The following PNPLA7 variants were observed in gnomAD, a reference collection of about 807,000 sequenced individuals.
PNPLA7 encodes the protein patatin-like phospholipase domain-containing protein 7.
In PNPLA7, 153 loss-of-function variants were observed where a neutral mutation model predicts 161.7. The observed-to-expected ratio is 0.95, with a 90% CI of 0.83 to 1.08. The LOEUF (loss-of-function observed/expected upper bound fraction) is 1.08, where lower values mean the gene tolerates loss of function less well. Ranked by LOEUF, PNPLA7 falls within the 50% of genes least tolerant of loss-of-function variation. PNPLA7 has a pLI of 0.00. For synonymous variants in PNPLA7, 809 were observed against 782.1 expected (o/e 1.03, Z -0.57); for missense variants, 1,739 against 1,856.6 (o/e 0.94, Z 1.16).
At position 137,499,214 on chromosome 9, in the gene PNPLA7, C is replaced by T. The variant is rs1026121369; in HGVS notation, c.1758-969G>A. 2.0e-5 allele frequency among the ~76,000 whole-genome samples: 3 copies of T among 148,584 alleles called. No homozygotes were observed. The highest frequency in any genetic ancestry group is 6.7e-5 in the Admixed American group (1 of 14,962). On this transcript the variant is annotated intron_variant, in intron 16 of 34. Coordinates refer to ENST00000406427, the MANE Select transcript of PNPLA7 (RefSeq NM_001098537.3). The surrounding 1 kb of genome is among the most constrained non-coding windows in gnomAD (Gnocchi z 5.5). ...GACACAGGCAGACACACAGGCACAC[C>T]GAGACACACACAGACACACAGACAC...
At chr9:137,531,747 C>T (rs1348971714) in intron 8 of PNPLA7, among the ~76,000 whole-genome samples, 1 of 152,132 alleles carries the variant, frequency 6.6e-6, no homozygotes, top group Non-Finnish European at 1.5e-5. Flanking sequence ...CAAAATTATA[C>T]TACATATTGT....
Position 137,467,445 on chromosome 9 carries a change from C to G in PNPLA7, c.2911G>C (p.Ala971Pro), listed in dbSNP as rs1831529887. 4.3e-6 allele frequency: 7 copies of G among 1,613,146 alleles called. No homozygotes were observed. Among genetic ancestry groups the G allele is most frequent in the Non-Finnish European group, 5.9e-6 (7 of 1,180,004 alleles). Reference sequence around the variant, plus strand: ...ACAGGGATGCCGCACTCCGCCAAGGCCTTGAGAACGCCCACCTGGGCACAG... The same window carrying G: ...ACAGGGATGCCGCACTCCGCCAAGGGCTTGAGAACGCCCACCTGGGCACAG... The part of the protein sequence containing the change: ...RGCAQVGVLK[A>P]LAECGIPVDM... The change falls in exon 26 of 35, where the codon GCC (alanine) becomes CCC (proline). Residue 971 changes from alanine to proline, a missense_variant. Physicochemically the swap from Ala to Pro is conservative, Grantham distance 27. Around this residue, in one of 6 missense-constraint regions of PNPLA7, gnomAD observed 703 missense variants for 694.6 expected, o/e 1.01. Transcript: ENST00000406427. The surrounding 1 kb of genome is among the most constrained non-coding windows in gnomAD (Gnocchi z 5.1).
rs139675967 is a variant in PNPLA7, at chr9:137,521,557, C to A, written c.957+79G>T. ...GCACTGCCCCACCAGGCACTGGGCGCCTGCCGTGCCAACCAATAGCTGTCC... is the reference window on the plus strand; with the variant it reads ...GCACTGCCCCACCAGGCACTGGGCGACTGCCGTGCCAACCAATAGCTGTCC... On this transcript the variant is annotated intron_variant, in intron 10 of 34. Coordinates refer to ENST00000406427, the MANE Select transcript of PNPLA7 (RefSeq NM_001098537.3). The A allele has an allele frequency of 2.5e-4, 357 of 1,445,850 alleles. 1 individual carries two copies. The African/African-American group carries it at 4.4e-3, about 18-fold the overall frequency. The allele number at this position is 1,445,850 out of a possible 1,614,324, so 89.6% of individuals were successfully genotyped here.
chr9:137,506,704 G>A (rs1021823523), intron 12 of PNPLA7, among the ~76,000 whole-genome samples: 3 of 152,190 alleles, frequency 2.0e-5, no homozygotes, highest in African/African-American at 4.8e-5. Flanking sequence ...GAAGCAGTGT[G>A]CACCCTTTTA....
chr9:137,494,899 A>C, intron 19 of PNPLA7, 134 bp downstream of exon 19: 1 of 782,678 alleles, frequency 1.3e-6, no homozygotes, highest in Non-Finnish European at 2.1e-6. Flanking sequence ...CCGCGCCTTC[A>C]CCTGCTCTGC....
chr9:137,465,507 C>T (rs1302229455), intron 26 of PNPLA7, among the ~76,000 whole-genome samples: 5 of 152,236 alleles, frequency 3.3e-5, no homozygotes, highest in African/African-American at 7.2e-5. Context: ...CTGCCCATGG[C>T]GGGTTCTGTC....
chr9:137,470,572 A>T (rs547684042), intron 25 of PNPLA7, among the ~76,000 whole-genome samples: 9 of 152,262 alleles, frequency 5.9e-5, no homozygotes, highest in Admixed American at 2.6e-4. Flanking sequence ...AAAAATAAAA[A>T]TTTTTTAAAA....
rs547697283 is a variant in PNPLA7 at position 137,469,315 on chromosome 9, A to G, written c.2883-1842T>C. On this transcript the variant is annotated intron_variant, in intron 25 of 34. Coordinates refer to ENST00000406427, the MANE Select transcript of PNPLA7 (RefSeq NM_001098537.3). The stretch of plus-strand genomic sequence containing the variant: ...ACAAAATCTGTAAGGGAGTTTAGGA[A>G]ACATGGGATCTGGCACCAAACTCTA... 3.3e-5 allele frequency among the ~76,000 whole-genome samples: 5 copies of G among 152,336 alleles called. No homozygotes were observed. In the South Asian group the frequency reaches 6.2e-4, roughly 19 times the overall value.
rs967509031 is a variant in PNPLA7, at chr9:137,477,457, CT to C, written c.2882+576del. ...GCAAAGGGCCAACAAGCAACCGCTT[CT>C]TTTTTTTTTTGAGACAGAGTCTCGC... On this transcript the variant is annotated intron_variant, in intron 25 of 34. Transcript: ENST00000406427. 1.3e-3 allele frequency among the ~76,000 whole-genome samples: 199 copies of C among 147,798 alleles called. 1 individual carries two copies. Among genetic ancestry groups the C allele is most frequent in the Middle Eastern group, 0.01 (3 of 286 alleles).
chr9:137,529,990 A>G (rs770530185), intron 8 of PNPLA7, among the ~76,000 whole-genome samples: 2 of 144,570 alleles, frequency 1.4e-5, no homozygotes, highest in African/African-American at 5.2e-5. Flanking sequence ...CCTGAGATAC[A>G]GTCTTGCTCT....
Position 137,490,385 on chromosome 9 carries a change from G to T in PNPLA7, c.2197+2628C>A, listed in dbSNP as rs1832707288. 6.6e-6 allele frequency among the ~76,000 whole-genome samples: 1 copy of T among 152,174 alleles called. No homozygotes were observed. The highest frequency in any genetic ancestry group is 6.6e-5 in the Admixed American group (1 of 15,266). On this transcript the variant is annotated intron_variant, in intron 20 of 34. Transcript: ENST00000406427. The surrounding 1 kb of genome is among the most constrained non-coding windows in gnomAD (Gnocchi z 4.1). The stretch of plus-strand genomic sequence containing the variant: ...GTGCTGGGATGAGGTGTAAGACACT[G>T]TGCCTGGTCAAAACATTCTTGAACA...
intron 22 of PNPLA7, chr9:137,480,692 G>C (rs772538812): frequency 4.9e-5 from 36 of 731,170 alleles, no homozygotes; most frequent in Non-Finnish European, 7.4e-5. Context: ...GCTGAGGCTC[G>C]TTGAGGGGCA....
rs1832970861 is a variant in PNPLA7, at chr9:137,494,969, G to A, written c.2127+64C>T. 22 of 1,438,340 alleles carry A rather than the reference G, an allele frequency of 1.5e-5. No homozygotes were observed. The South Asian group carries it at 2.7e-4, about 17-fold the overall frequency. 89.1% of individuals were successfully genotyped at this position (1,438,340 alleles called of 1,614,324 possible). ...GCCCTCACCCGCTCCGCCCTCACCTGTTCCATGCCCTCATCCACTCCACAC... is the reference window on the plus strand; with the variant it reads ...GCCCTCACCCGCTCCGCCCTCACCTATTCCATGCCCTCATCCACTCCACAC... On this transcript the variant is annotated intron_variant, in intron 19 of 34. Coordinates refer to ENST00000406427, the MANE Select transcript of PNPLA7 (RefSeq NM_001098537.3).
intron 21 of PNPLA7, 145 bp from the exon 22 acceptor site, chr9:137,481,168 C>T: frequency 1.2e-6 from 1 of 815,472 alleles, no homozygotes; most frequent in Non-Finnish European, 2.0e-6. Flanking sequence ...CAGTGAGAGT[C>T]CACTCCCCAA....
intron 19 of PNPLA7, among the ~76,000 whole-genome samples, chr9:137,494,050 G>T (rs1055618494): frequency 3.3e-5 from 5 of 152,188 alleles, no homozygotes; most frequent in African/African-American, 1.2e-4. Flanking sequence ...ATGAGCCCCA[G>T]GGGTGGTGAG....
chr9:137,508,071 T>C (rs1376795909), intron 12 of PNPLA7, among the ~76,000 whole-genome samples: 2 of 151,802 alleles, frequency 1.3e-5, no homozygotes, highest in South Asian at 2.1e-4. Context: ...GCCACACCTG[T>C]GGTCCCAGCT....
chr9:137,481,931 A>G (rs1276961635), intron 21 of PNPLA7, among the ~76,000 whole-genome samples: 1 of 152,178 alleles, frequency 6.6e-6, no homozygotes, highest in African/African-American at 2.4e-5. Context: ...GCAAGACTCC[A>G]TCTCAGAAAA....
chr9:137,519,662 ATGTGAGGTGACCTGGGGCACG>A (rs1175535623), intron 11 of PNPLA7, among the ~76,000 whole-genome samples: 7 of 141,180 alleles, frequency 5.0e-5, no homozygotes, highest in African/African-American at 2.2e-4. Flanking sequence ...CCTGGGGGGC[ATGTGAGGTGACCTGGGGCACG>A]TGTGAGGGGA....
intron 21 of PNPLA7, among the ~76,000 whole-genome samples, chr9:137,483,346 G>A (rs1832318135): frequency 6.6e-6 from 1 of 152,226 alleles, no homozygotes; most frequent in Non-Finnish European, 1.5e-5. Flanking sequence ...CCGGAAATGA[G>A]TAAGATTTTC....
Sources: gnomAD v4.1 joint callset for allele counts (sites outside exome capture counted in the v4.1 genomes callset) on GRCh38, gnomAD v4.1.1 for gene constraint, gnomAD v4.1.1 regional missense constraint, Gnocchi (gnomAD v3.1) non-coding constraint, MANE v1.5 for transcripts, NCBI Gene and HGNC (gene_info 2026-07-23, HGNC 2026-07-21) for gene names.